The following MKRN1 variants were observed in gnomAD, a reference collection of about 807,000 sequenced individuals.
MKRN1 encodes the protein makorin ring finger protein 1.
A neutral mutation model predicts 55.5 loss-of-function variants in MKRN1; 9 were observed. The observed-to-expected ratio is 0.16, with a 90% CI of 0.10 to 0.28. MKRN1 has a LOEUF of 0.28. Ranked by LOEUF, MKRN1 falls within the 10% of genes least tolerant of loss-of-function variation. The pLI, the probability that MKRN1 is intolerant of heterozygous loss-of-function variation, is 1.00. For synonymous variants in MKRN1, 253 were observed against 235.9 expected (o/e 1.07, Z -0.66); for missense variants, 488 against 626.7 (o/e 0.78, Z 2.36).
rs148103767 is a variant in MKRN1, at chr7:140,459,662, G to T, written c.544+45C>A. On this transcript the variant is annotated intron_variant, in intron 3 of 7. Transcript: ENST00000255977. ...TCAAAACTAAGCAAATGGATGAACT[G>T]CTATCCAGCCCTCTAACTCTTATTT... The T allele has an allele frequency of 2.6e-6, 4 of 1,558,696 alleles. No homozygotes were observed. The African/African-American group carries it at 4.1e-5, about 16-fold the overall frequency.
At chr7:140,476,234 T>C (rs1490528093) in intron 1 of MKRN1, among the ~76,000 whole-genome samples, 1 of 152,162 alleles carries the variant, frequency 6.6e-6, no homozygotes, top group Non-Finnish European at 1.5e-5. Context: ...ATACAGTACA[T>C]ACATCTGCAC....
At chr7:140,463,219 A>G (rs1429302866) in intron 2 of MKRN1, among the ~76,000 whole-genome samples, 4 of 152,228 alleles carry the variant, frequency 2.6e-5, no homozygotes, top group African/African-American at 9.6e-5. Flanking sequence ...GTGGAATCCT[A>G]TAAGCTGAAG....
intron 1 of MKRN1, among the ~76,000 whole-genome samples, chr7:140,476,526 T>C (rs1465529948): frequency 1.4e-5 from 2 of 146,308 alleles, no homozygotes; most frequent in Non-Finnish European, 3.0e-5. Flanking sequence ...TACTTTGTCT[T>C]TGGTAATTTA....
rs1270916343 is a variant in MKRN1, at chr7:140,455,162, T to C, written c.1169A>G (p.His390Arg). The C allele has an allele frequency of 6.2e-7, 1 of 1,614,092 alleles. No homozygotes were observed. Among genetic ancestry groups the C allele is most frequent in the Non-Finnish European group, 8.5e-7 (1 of 1,180,012 alleles). ...CPFGGNCFYK[H>R]AYPDGRREEP... ...CTCTCTACGGCCATCAGGGTACGCA[T>C]GCTTGTAAAAACAGTTCCCTCCAAA... is the stretch of plus-strand genomic sequence containing the variant. Residue 390 changes from histidine to arginine, a missense_variant, in exon 7 of 8, where the codon CAT becomes CGT. His to Arg is a conservative substitution (Grantham distance 29). Coordinates refer to ENST00000255977, the MANE Select transcript of MKRN1 (RefSeq NM_013446.4).
chr7:140,479,466 C>G lies in MKRN1; in HGVS notation c.-122G>C. ...GGGGAAGGACACTGAGGCACCCGTT[C>G]GGTCCCCGCCTGCTACGCGTCGCGT... On this transcript the variant is annotated 5_prime_UTR_variant, in exon 1 of 8. Transcript: ENST00000255977. 9.8e-7 allele frequency: 1 copy of G among 1,017,712 alleles called. No homozygotes were observed. Among genetic ancestry groups the G allele is most frequent in the East Asian group, 3.3e-5 (1 of 30,652 alleles). 63.0% of individuals were successfully genotyped at this position (1,017,712 alleles called of 1,614,324 possible).
At chr7:140,474,776 T>C (rs1480963187) in intron 1 of MKRN1, among the ~76,000 whole-genome samples, 1 of 151,144 alleles carries the variant, frequency 6.6e-6, no homozygotes, top group East Asian at 2.0e-4. Flanking sequence ...TGGAGTGCAG[T>C]GGTGCAATCT....
chr7:140,467,234 A>G (rs1228541671), intron 2 of MKRN1, among the ~76,000 whole-genome samples: 1 of 151,976 alleles, frequency 6.6e-6, no homozygotes, highest in East Asian at 1.9e-4. Context: ...TCAGCCTCCC[A>G]AAGTGCTGGG....
At chr7:140,465,617 A>T (rs1363788456) in intron 2 of MKRN1, among the ~76,000 whole-genome samples, 1 of 152,186 alleles carries the variant, frequency 6.6e-6, no homozygotes, top group Non-Finnish European at 1.5e-5. Flanking sequence ...AGCAACAAAG[A>T]ACTGGCCTCA....
chr7:140,474,717 C>A (rs960633910), intron 1 of MKRN1, among the ~76,000 whole-genome samples: 1 of 139,932 alleles, frequency 7.1e-6, no homozygotes, highest in African/African-American at 3.1e-5. Flanking sequence ...GGATTTCCTT[C>A]TTTCTTTTTT....
intron 2 of MKRN1, among the ~76,000 whole-genome samples, chr7:140,462,381 C>T (rs1794647590): frequency 2.0e-5 from 3 of 152,146 alleles, no homozygotes; most frequent in Admixed American, 2.0e-4. Flanking sequence ...AACTGTGCTA[C>T]ATAATTTATA....
chr7:140,465,254 T>G (rs879657559), intron 2 of MKRN1, among the ~76,000 whole-genome samples: 1 of 151,938 alleles, frequency 6.6e-6, no homozygotes, highest in Non-Finnish European at 1.5e-5. Flanking sequence ...TCCCCAGCAC[T>G]TTGGGAGGCC....
chr7:140,477,776 G>C (rs1563099351), intron 1 of MKRN1, among the ~76,000 whole-genome samples: 1 of 152,216 alleles, frequency 6.6e-6, no homozygotes, highest in African/African-American at 2.4e-5. Context: ...CGACAGGCCG[G>C]TTTCAATCTT....
chr7:140,476,553 T>A (rs1017679635), intron 1 of MKRN1, among the ~76,000 whole-genome samples: 1 of 150,828 alleles, frequency 6.6e-6, no homozygotes, highest in African/African-American at 2.4e-5. Flanking sequence ...TTGTTTTTTT[T>A]TTTTTTAATG....
intron 2 of MKRN1, among the ~76,000 whole-genome samples, chr7:140,463,079 GTGAAACC>G (rs2130286361): frequency 6.6e-6 from 1 of 152,322 alleles, no homozygotes. Flanking sequence ...GGCCAACATG[GTGAAACC>G]ACCATCTCCA....
chr7:140,462,204 T>C (rs1261097807), intron 2 of MKRN1, among the ~76,000 whole-genome samples: 1 of 152,022 alleles, frequency 6.6e-6, no homozygotes, highest in Non-Finnish European at 1.5e-5. Flanking sequence ...ACTTTTTTTA[T>C]TTTTTGTAGA....
At chr7:140,469,411 T>C (rs1027561296) in intron 2 of MKRN1, among the ~76,000 whole-genome samples, 2 of 152,150 alleles carry the variant, frequency 1.3e-5, no homozygotes, top group African/African-American at 2.4e-5. Flanking sequence ...TTGATATGCC[T>C]TCCTTCAAAA....
intron 4 of MKRN1, among the ~76,000 whole-genome samples, chr7:140,457,857 GTA>G (rs1299441911): frequency 1.3e-5 from 2 of 152,076 alleles, no homozygotes; most frequent in South Asian, 2.1e-4. Context: ...TAGATATAAC[GTA>G]TAGAGATTTA....
chr7:140,456,415 A>G, intron 5 of MKRN1: 1 of 1,361,432 alleles, frequency 7.3e-7, no homozygotes, highest in Non-Finnish European at 9.5e-7. Flanking sequence ...CAATCTCCTC[A>G]GAAAAAGCAC....
chr7:140,459,941 G>GA lies in MKRN1; in HGVS notation c.315-6dup. On this transcript the variant is annotated splice_region_variant and splice_polypyrimidine_tract_variant and intron_variant, in intron 2 of 7. Coordinates refer to ENST00000255977, the MANE Select transcript of MKRN1 (RefSeq NM_013446.4). ...AATGGTTTGCTATGTTCATATCTAA[G>GA]AAAAAATTCAAAAGTAAGCAGTCGG... 1 of 1,610,944 alleles carries GA rather than the reference G, an allele frequency of 6.2e-7. No individual in the cohort carries two copies. The highest frequency in any genetic ancestry group is 1.3e-5 in the African/African-American group (1 of 74,830).
Sources: allele counts gnomAD v4.1 joint callset (sites outside exome capture counted in the v4.1 genomes callset), GRCh38; gene constraint gnomAD v4.1.1; transcripts MANE v1.5; gene names NCBI Gene and HGNC (gene_info 2026-07-23, HGNC 2026-07-21).